The following CFAP46 variants were observed in gnomAD, a reference collection of about 807,000 sequenced individuals.
The protein encoded by CFAP46 is cilia and flagella associated protein 46.
A neutral mutation model predicts 325.7 loss-of-function variants in CFAP46; 245 were observed. That is an observed-to-expected ratio of 0.75 (90% CI 0.68 to 0.84). The LOEUF (loss-of-function observed/expected upper bound fraction) is 0.84. CFAP46 is among the 40% of genes least tolerant of loss of function. The pLI, the probability that CFAP46 is intolerant of heterozygous loss-of-function variation, is 0.00. For synonymous variants in CFAP46, 1,523 were observed against 1,495.9 expected, an observed-to-expected ratio of 1.02 and a Z score of -0.42; for missense variants, 3,346 against 3,543.0, an observed-to-expected ratio of 0.94 and a Z score of 1.41.
rs773519858 is a variant in CFAP46 at position 132,872,740 on chromosome 10, A to G, written c.4447T>C (p.Leu1483=). Reference sequence around the variant, plus strand: ...ACGGAGTCCGAAATCAGCACCCCCAACTGCAGGACGGGAACCGTGAGTTCG... The same window carrying G: ...ACGGAGTCCGAAATCAGCACCCCCAGCTGCAGGACGGGAACCGTGAGTTCG... ...LHELTVPVLQ[L]GVLISDSVVG... The change falls in exon 32 of 58, where the codon TTG becomes CTG. Residue 1483 remains leucine (L), a synonymous_variant. Transcript: ENST00000368586. 1 of 1,550,856 alleles carries G rather than the reference A, an allele frequency of 6.4e-7. No individual in the cohort carries two copies. The highest frequency in any genetic ancestry group is 1.2e-5 in the South Asian group (1 of 84,060).
chr10:132,903,811 G>A (rs755205494), intron 22 of CFAP46, among the ~76,000 whole-genome samples: 4 of 152,230 alleles, frequency 2.6e-5, no homozygotes, highest in African/African-American at 7.2e-5. Flanking sequence ...TGGTGATTAC[G>A]TTAAATAAAA....
chr10:132,822,814 GTGTGCTGTGTGTGCTGA>G (rs1380762446), intron 50 of CFAP46, among the ~76,000 whole-genome samples: 3 of 105,498 alleles, frequency 2.8e-5, no homozygotes, highest in Non-Finnish European at 4.3e-5. Context: ...GATGTGTGCT[GTGTGCTGTGTGTGCTGA>G]TGTGTGCTGA....
chr10:132,835,279 T>G (rs766151059), intron 47 of CFAP46, 25 bp downstream of exon 47: 1 of 1,609,130 alleles, frequency 6.2e-7, no homozygotes. Flanking sequence ...CCCGGCTGGG[T>G]GGCTTGGAGC....
At chr10:132,882,573 C>T (rs1849063620) in intron 27 of CFAP46, among the ~76,000 whole-genome samples, 1 of 151,560 alleles carries the variant, frequency 6.6e-6, no homozygotes, top group African/African-American at 2.4e-5. Flanking sequence ...CGGGGCCAGG[C>T]AGGCAGCAGG....
At position 132,913,245 on chromosome 10, in the gene CFAP46, T is replaced by G. The variant is rs931851745; in HGVS notation, c.2134A>C (p.Ser712Arg). The change falls in exon 18 of 58, where the codon AGT becomes CGT. Residue 712 changes from serine (S) to arginine (R), a missense_variant. Coordinates refer to ENST00000368586, the MANE Select transcript of CFAP46 (RefSeq NM_001200049.3). ...EWITYRTWIE[S>R]LSRCAMNNWL... ...TTATTCATGGCACACCGGGACAGAC[T>G]CTCGATCCAGGTTCTGCAAAACGAG... 3 of 1,550,182 alleles carry G rather than the reference T, an allele frequency of 1.9e-6. No homozygotes were observed. In the Admixed American group the frequency reaches 5.9e-5, roughly 30 times the overall value.
At chr10:132,822,647 C>T (rs1467727064) in intron 50 of CFAP46, among the ~76,000 whole-genome samples, 4 of 116,680 alleles carry the variant, frequency 3.4e-5, no homozygotes, top group Non-Finnish European at 6.8e-5. Context: ...TGTCTGTGCG[C>T]TGATGTGTGC....
intron 27 of CFAP46, among the ~76,000 whole-genome samples, chr10:132,881,722 G>A (rs921337601): frequency 4.6e-5 from 7 of 152,162 alleles, no homozygotes; most frequent in African/African-American, 1.4e-4. Flanking sequence ...AGGTGCTGCT[G>A]GGGCCACGGC....
At chr10:132,841,738 G>A (rs1337866489) in intron 44 of CFAP46, among the ~76,000 whole-genome samples, 1 of 152,336 alleles carries the variant, frequency 6.6e-6, no homozygotes, top group South Asian at 2.1e-4. Context: ...TGAGCTGTGG[G>A]TCTATCTGCA....
Position 132,908,560 on chromosome 10 carries a change from G to C in CFAP46, c.2832C>G (p.His944Gln). ...VELQTLTRLT[H>Q]FAHAARDHET... is the part of the protein sequence containing the mutation. The stretch of plus-strand genomic sequence containing the variant: ...CATGGTCACGCGCTGCATGGGCGAA[G>C]TGGGTCAGCCGCGTCAGGGTCTGCA... Residue 944 changes from histidine to glutamine, a missense_variant, in exon 22 of 58, where the codon CAC (histidine) becomes CAG (glutamine). Coordinates refer to ENST00000368586, the MANE Select transcript of CFAP46 (RefSeq NM_001200049.3). 1 of 1,550,504 alleles carries C rather than the reference G, an allele frequency of 6.4e-7. No homozygotes were observed. Among genetic ancestry groups the C allele is most frequent in the Non-Finnish European group, 8.7e-7 (1 of 1,146,946 alleles).
At position 132,860,990 on chromosome 10, in the gene CFAP46, A is replaced by T; in HGVS notation, c.4891-8T>A. The T allele has an allele frequency of 6.4e-7, 1 of 1,550,390 alleles. No individual in the cohort carries two copies. Among genetic ancestry groups the T allele is most frequent in the Non-Finnish European group, 8.7e-7 (1 of 1,146,996 alleles). ...ACAAGGCTCATCCAGCTCCTGAAGG[A>T]GAGAAACTCAGACATGCTTGGGTTC... is the stretch of plus-strand genomic sequence containing the variant. On this transcript the variant is annotated splice_polypyrimidine_tract_variant and splice_region_variant and intron_variant, in intron 35 of 57. Transcript: ENST00000368586.
intron 50 of CFAP46, among the ~76,000 whole-genome samples, chr10:132,821,667 G>A (rs1847835237): frequency 7.1e-6 from 1 of 141,574 alleles, no homozygotes; most frequent in African/African-American, 2.8e-5. Context: ...TGTGCTGTGT[G>A]TGCTGTGTGT....
chr10:132,941,682 T>C lies in CFAP46; in HGVS notation c.215A>G (p.Tyr72Cys). Residue 72 changes from tyrosine to cysteine, a missense_variant, in exon 3 of 58, where the codon TAC (tyrosine) becomes TGC (cysteine). Physicochemically the swap from Tyr to Cys is radical, Grantham distance 194. Coordinates refer to ENST00000368586, the MANE Select transcript of CFAP46 (RefSeq NM_001200049.3). ...GGTGATGGGCGCCTTCACCTTGAAG[T>C]ACATTTGGATGCAGTCCTCGCTCAC... ...PEVSEDCIQM[Y>C]FKVKAPITQF... 1 of 1,614,092 alleles carries C rather than the reference T, an allele frequency of 6.2e-7. No homozygotes were observed. The highest frequency in any genetic ancestry group is 8.5e-7 in the Non-Finnish European group (1 of 1,180,044).
intron 35 of CFAP46, among the ~76,000 whole-genome samples, chr10:132,862,600 G>T (rs567080654): frequency 2.0e-5 from 3 of 152,166 alleles, no homozygotes; most frequent in East Asian, 3.9e-4. Context: ...GTCGGCGGGG[G>T]TCTGAGTGCT....
chr10:132,808,529 G>A lies in CFAP46; in HGVS notation c.8040C>T (p.Ser2680=), dbSNP rs1847505269. 2.5e-6 allele frequency: 4 copies of A among 1,612,962 alleles called. No individual in the cohort carries two copies. Among genetic ancestry groups the A allele is most frequent in the Admixed American group, 3.3e-5 (2 of 60,010 alleles). Residue 2680 remains serine (S), a synonymous_variant, in exon 58 of 58, where the codon AGC becomes AGT. Coordinates refer to ENST00000368586, the MANE Select transcript of CFAP46 (RefSeq NM_001200049.3). The surrounding 1 kb of genome is among the most constrained non-coding windows in gnomAD (Gnocchi z 6.8). The part of the protein sequence containing the change: ...CAPWGLRRGW[S]CVSSRGQDKG... ...TGTCCTGGCCCCGGGAAGAGACGCA[G>A]CTCCAGCCCCGACGCAGACCCCATG... is the stretch of plus-strand genomic sequence containing the variant.
At chr10:132,837,812 T>G (rs1187893572) in intron 44 of CFAP46, among the ~76,000 whole-genome samples, 4 of 93,038 alleles carry the variant, frequency 4.3e-5, no homozygotes, top group African/African-American at 4.4e-5. Flanking sequence ...CATGCACACG[T>G]ACACAGATGC....
Position 132,808,511 on chromosome 10 carries a change from GC to G in CFAP46, c.8057del (p.Gly2686AlafsTer14), listed in dbSNP as rs1342147768. On this transcript the variant is annotated frameshift_variant, in exon 58 of 58. Coordinates refer to ENST00000368586, the MANE Select transcript of CFAP46 (RefSeq NM_001200049.3). LOFTEE classifies it low-confidence loss of function (END_TRUNC). This position sits in a 1 kb window ranked among gnomAD's most constrained non-coding sequence, Gnocchi z 6.8. ...RRGWSCVSSR[G>X]QDKGGLPLAA... ...CCAAGGGGAGGCCGCCCTTGTCCTGGCCCCGGGAAGAGACGCAGCTCCAGCC... is the reference window on the plus strand; with the variant it reads ...CCAAGGGGAGGCCGCCCTTGTCCTGGCCCGGGAAGAGACGCAGCTCCAGCC... 36 of 1,613,078 alleles carry G rather than the reference GC, an allele frequency of 2.2e-5. No individual in the cohort carries two copies. Among genetic ancestry groups the G allele is most frequent in the Non-Finnish European group, 3.0e-5 (35 of 1,180,012 alleles).
chr10:132,892,049 A>G (rs1395588644), intron 25 of CFAP46, among the ~76,000 whole-genome samples: 2 of 152,188 alleles, frequency 1.3e-5, no homozygotes, highest in Admixed American at 6.5e-5. Context: ...GTGGCTCAGC[A>G]TCAATCTCTT....
chr10:132,823,444 GC>G (rs1292476338), intron 50 of CFAP46, among the ~76,000 whole-genome samples: 2 of 134,318 alleles, frequency 1.5e-5, no homozygotes, highest in Admixed American at 7.4e-5. Flanking sequence ...TGCTGTGTGT[GC>G]TGATGTGTGT....
In CFAP46 at chr10:132,828,971, G is replaced by A. The variant is rs1848105419; in HGVS notation, c.7117+4387C>T. ...GCCTGCGCTCCACTGTATCAATACT[G>A]CACCCATGTGACGGGGTCCTGACAT... On this transcript the variant is annotated intron_variant, in intron 50 of 57. Transcript: ENST00000368586. The surrounding 1 kb of genome is among the most constrained non-coding windows in gnomAD (Gnocchi z 4.9). 6.6e-6 allele frequency among the ~76,000 whole-genome samples: 1 copy of A among 151,684 alleles called. No individual in the cohort carries two copies. Among genetic ancestry groups the A allele is most frequent in the African/African-American group, 2.4e-5 (1 of 41,108 alleles).
Sources: allele counts gnomAD v4.1 joint callset (sites outside exome capture counted in the v4.1 genomes callset), GRCh38; gene constraint gnomAD v4.1.1; non-coding constraint Gnocchi (gnomAD v3.1); transcripts MANE v1.5; gene names NCBI Gene and HGNC (gene_info 2026-07-23, HGNC 2026-07-21).